Variants in MGMT observed in about 807,000 individuals in gnomAD.
MGMT encodes the protein methylated-DNA--protein-cysteine methyltransferase.
Under a neutral mutation model 15.9 loss-of-function variants are expected in MGMT, and 14 were observed. The observed-to-expected ratio is 0.88, with a 90% CI of 0.58 to 1.37. The LOEUF is 1.37. MGMT is among the 40% of genes most tolerant of loss of function. The pLI is 0.00. For missense variants in MGMT, 282 were observed against 268.1 expected (o/e 1.05, Z -0.36); for synonymous variants, 130 against 118.2 (o/e 1.10, Z -0.65).
chr10:129,750,960 A>G (rs1244222912), intron 3 of MGMT, among the ~76,000 whole-genome samples: 1 of 151,978 alleles, frequency 6.6e-6, no homozygotes, highest in East Asian at 1.9e-4. Flanking sequence ...TGATTTGCCA[A>G]TATTTTGTTG....
chr10:129,672,478 A>G (rs1847735536), intron 2 of MGMT, among the ~76,000 whole-genome samples: 1 of 152,110 alleles, frequency 6.6e-6, no homozygotes, highest in African/African-American at 2.4e-5. Flanking sequence ...CCATTTACGC[A>G]TCGGTACACT....
At chr10:129,551,735 T>G (rs923228885) in intron 2 of MGMT, among the ~76,000 whole-genome samples, 5 of 152,124 alleles carry the variant, frequency 3.3e-5, no homozygotes, top group African/African-American at 4.8e-5. Flanking sequence ...GGTGCAGTGA[T>G]CAAAACCAAA....
At position 129,559,066 on chromosome 10, in the gene MGMT, G is replaced by A. The variant is rs569921497; in HGVS notation, c.125+22689G>A. ...CCAGTTCTCCTGGAATATTTGCATC[G>A]ACCAGGATGCTGTTTCTGCGTCGGA... On this transcript the variant is annotated intron_variant, in intron 2 of 4. Coordinates refer to ENST00000651593, the MANE Select transcript of MGMT (RefSeq NM_002412.5). 3.3e-5 allele frequency among the ~76,000 whole-genome samples: 5 copies of A among 152,184 alleles called. No homozygotes were observed. In the East Asian group the frequency reaches 5.8e-4, roughly 18 times the overall value.
At chr10:129,530,068 G>GTTTTTATGT (rs1482339350) in intron 1 of MGMT, among the ~76,000 whole-genome samples, 1 of 151,630 alleles carries the variant, frequency 6.6e-6, no homozygotes, top group Non-Finnish European at 1.5e-5. Context: ...CCTGGCTAAT[G>GTTTTTATGT]TTTTTATGTT....
At chr10:129,602,739 T>A (rs546087208) in intron 2 of MGMT, among the ~76,000 whole-genome samples, 1 of 151,910 alleles carries the variant, frequency 6.6e-6, no homozygotes, top group African/African-American at 2.4e-5. Context: ...CCACCCTCCC[T>A]CCCCCTCCTT....
At chr10:129,681,076 G>C (rs1258408066) in intron 2 of MGMT, among the ~76,000 whole-genome samples, 1 of 152,140 alleles carries the variant, frequency 6.6e-6, no homozygotes, top group Non-Finnish European at 1.5e-5. Flanking sequence ...GCCTAACACT[G>C]GAGCGCCGGC....
In MGMT at chr10:129,592,608, T is replaced by G. The variant is rs1341616893; in HGVS notation, c.125+56231T>G. Among the ~76,000 whole-genome samples the G allele has an allele frequency of 3.3e-5, 5 of 152,300 alleles. No homozygotes were observed. The East Asian group carries it at 7.7e-4, about 24-fold the overall frequency. ...CTGTGGTTTGGGAGCTGCCCCTTGT[T>G]GAGAGTTCTGTTCAGGTATCAAAGG... On this transcript the variant is annotated intron_variant, in intron 2 of 4. Coordinates refer to ENST00000651593, the MANE Select transcript of MGMT (RefSeq NM_002412.5).
At chr10:129,560,522 C>G (rs757244646) in intron 2 of MGMT, among the ~76,000 whole-genome samples, 4 of 152,170 alleles carry the variant, frequency 2.6e-5, no homozygotes, top group Non-Finnish European at 5.9e-5. Flanking sequence ...CACTTTGACC[C>G]TGTTCTGCAA....
At chr10:129,578,472 GA>G (rs1846513781) in intron 2 of MGMT, among the ~76,000 whole-genome samples, 2 of 144,256 alleles carry the variant, frequency 1.4e-5, no homozygotes, top group Admixed American at 1.4e-4. Flanking sequence ...TCATAGGTGG[GA>G]ATTGAACAAT....
chr10:129,503,020 ATTTG>A (rs1023970234), intron 1 of MGMT, among the ~76,000 whole-genome samples: 47 of 152,068 alleles, frequency 3.1e-4, no homozygotes, highest in African/African-American at 1.1e-3. Flanking sequence ...GTAAAGTCGT[ATTTG>A]TTTATGTGCG....
At chr10:129,750,363 C>A (rs1848738711) in intron 3 of MGMT, among the ~76,000 whole-genome samples, 1 of 152,114 alleles carries the variant, frequency 6.6e-6, no homozygotes, top group Non-Finnish European at 1.5e-5. Context: ...GTTTAAAAGA[C>A]TATGCTTTCT....
intron 2 of MGMT, among the ~76,000 whole-genome samples, chr10:129,647,413 G>T (rs1361765374): frequency 6.6e-6 from 1 of 152,190 alleles, no homozygotes; most frequent in Non-Finnish European, 1.5e-5. Flanking sequence ...CTGGGAATTG[G>T]ATGCACTTGG....
intron 1 of MGMT, among the ~76,000 whole-genome samples, chr10:129,486,065 A>ATT (rs559916211): frequency 1.2e-3 from 177 of 151,748 alleles, no homozygotes; most frequent in African/African-American, 4.0e-3. Context: ...AGCCTTTTTA[A>ATT]TTTTTTTTTC....
At chr10:129,506,601 T>A (rs76617339) in intron 1 of MGMT, among the ~76,000 whole-genome samples, 33 of 152,196 alleles carry the variant, frequency 2.2e-4, no homozygotes, top group Admixed American at 3.9e-4. Context: ...ATTGTAGATG[T>A]CCAAGTCCTG....
intron 2 of MGMT, among the ~76,000 whole-genome samples, chr10:129,666,601 T>C (rs1182154819): frequency 6.6e-6 from 1 of 152,252 alleles, no homozygotes; most frequent in East Asian, 1.9e-4. Flanking sequence ...TGTTGACTTT[T>C]GTACTTGGCC....
At chr10:129,766,310 C>T (rs1848933869) in intron 4 of MGMT, among the ~76,000 whole-genome samples, 1 of 152,208 alleles carries the variant, frequency 6.6e-6, no homozygotes, top group African/African-American at 2.4e-5. Context: ...CGTGCGCCCA[C>T]AGCCACAGTT....
chr10:129,568,251 T>C (rs1275131101), intron 2 of MGMT, among the ~76,000 whole-genome samples: 2 of 152,192 alleles, frequency 1.3e-5, no homozygotes, highest in Non-Finnish European at 2.9e-5. Context: ...GATAATGATG[T>C]TATTCCCAAG....
chr10:129,691,596 C>T (rs966302902), intron 2 of MGMT, among the ~76,000 whole-genome samples: 3 of 152,104 alleles, frequency 2.0e-5, no homozygotes, highest in Non-Finnish European at 4.4e-5. Flanking sequence ...AAATAAACGG[C>T]GGTGGCCGGG....
At chr10:129,496,647 G>A (rs930402864) in intron 1 of MGMT, among the ~76,000 whole-genome samples, 5 of 152,108 alleles carry the variant, frequency 3.3e-5, no homozygotes, top group African/African-American at 4.8e-5. Flanking sequence ...TTGTGCAGCC[G>A]TGGAATGGGG....
Sources: gnomAD v4.1 joint callset for allele counts (sites outside exome capture counted in the v4.1 genomes callset) on GRCh38, gnomAD v4.1.1 for gene constraint, MANE v1.5 for transcripts, NCBI Gene and HGNC (gene_info 2026-07-23, HGNC 2026-07-21) for gene names.